The following AKAP19 variants were observed in gnomAD, a reference collection of about 807,000 sequenced individuals.
AKAP19 encodes the protein A-kinase anchoring protein 19.
At chr2:190,077,972 A>C in the AKAP19 span, among the ~76,000 whole-genome samples, 7 of 152,160 alleles carry the variant, frequency 4.6e-5, no homozygotes, top group Admixed American at 1.3e-4. Flanking sequence ...GTGAACTCAA[A>C]TAAGTGTTCA....
At chr2:190,109,097 T>G in the AKAP19 span, among the ~76,000 whole-genome samples, 4 of 152,208 alleles carry the variant, frequency 2.6e-5, no homozygotes, top group Non-Finnish European at 5.9e-5. Context: ...CAATTCTCAT[T>G]GATTTTGCAT....
the AKAP19 span, among the ~76,000 whole-genome samples, chr2:189,883,195 A>T: frequency 6.6e-6 from 1 of 152,162 alleles, no homozygotes; most frequent in Non-Finnish European, 1.5e-5. Flanking sequence ...GGTGGGACTG[A>T]AAATTTTCAC....
chr2:190,024,340 A>G, the AKAP19 span, among the ~76,000 whole-genome samples: 52 of 150,344 alleles, frequency 3.5e-4, no homozygotes, highest in Middle Eastern at 3.4e-3. Flanking sequence ...ATATATATAT[A>G]TGTGTGTGTG....
the AKAP19 span, among the ~76,000 whole-genome samples, chr2:190,128,503 G>T: frequency 6.6e-6 from 1 of 152,208 alleles, no homozygotes; most frequent in Non-Finnish European, 1.5e-5. Flanking sequence ...GGAGTGCAAT[G>T]GTACCGGAGT....
At chr2:190,090,641 A>G in the AKAP19 span, among the ~76,000 whole-genome samples, 1 of 152,192 alleles carries the variant, frequency 6.6e-6, no homozygotes, top group Non-Finnish European at 1.5e-5. Flanking sequence ...TTTGAGTCCT[A>G]GCCTGTGTAA....
the AKAP19 span, among the ~76,000 whole-genome samples, chr2:190,089,329 A>G: frequency 6.6e-6 from 1 of 152,128 alleles, no homozygotes; most frequent in Non-Finnish European, 1.5e-5. Context: ...TCAGAAAAAT[A>G]TATTTTATTT....
the AKAP19 span, among the ~76,000 whole-genome samples, chr2:190,128,037 GGGGTGGCACTCAGAGGGGAAAAATGTGA>G: frequency 6.6e-6 from 1 of 152,166 alleles, no homozygotes; most frequent in African/African-American, 2.4e-5. Context: ...AATAACAGTA[GGGGTGGCACTCAGAGGGGAAAAATGTGA>G]GGGTGGCACT....
chr2:190,185,976 A>T, the AKAP19 span, among the ~76,000 whole-genome samples: 1 of 152,140 alleles, frequency 6.6e-6, no homozygotes, highest in Non-Finnish European at 1.5e-5. Flanking sequence ...TTTGAGACAG[A>T]GTCTTCACTC....
At chr2:189,933,026 C>T in the AKAP19 span, among the ~76,000 whole-genome samples, 1 of 152,120 alleles carries the variant, frequency 6.6e-6, no homozygotes, top group Non-Finnish European at 1.5e-5. Flanking sequence ...TCACTGAGAA[C>T]ATTATGTCAT....
chr2:190,027,155 C>G, the AKAP19 span, among the ~76,000 whole-genome samples: 384 of 152,222 alleles, frequency 2.5e-3, no homozygotes, highest in Middle Eastern at 0.014. Context: ...ATACCCAACA[C>G]CATTTGTTAA....
chr2:190,048,167 TA>T, the AKAP19 span, among the ~76,000 whole-genome samples: 3 of 152,212 alleles, frequency 2.0e-5, no homozygotes, highest in Admixed American at 6.5e-5. Flanking sequence ...GTGCTATTAC[TA>T]AATTCTATGA....
chr2:190,016,222 C>T, the AKAP19 span, among the ~76,000 whole-genome samples: 1 of 152,152 alleles, frequency 6.6e-6, no homozygotes, highest in Non-Finnish European at 1.5e-5. Context: ...AAAGAAATAC[C>T]TGAGACTGGG....
the AKAP19 span, among the ~76,000 whole-genome samples, chr2:190,175,106 AAAT>A: frequency 1.5e-4 from 16 of 109,506 alleles, no homozygotes; most frequent in Non-Finnish European, 2.8e-4. Flanking sequence ...AACAACAACA[AAAT>A]CAGACGCTTA....
the AKAP19 span, among the ~76,000 whole-genome samples, chr2:190,180,291 G>A: frequency 1.3e-5 from 2 of 152,328 alleles, no homozygotes; most frequent in African/African-American, 2.4e-5. This position sits in a 1 kb window ranked among gnomAD's most constrained non-coding sequence, Gnocchi z 6.8. Flanking sequence ...GAAGGCCGCG[G>A]CCAGGCTGCG....
chr2:190,039,621 A>C, the AKAP19 span, among the ~76,000 whole-genome samples: 1 of 151,814 alleles, frequency 6.6e-6, no homozygotes, highest in Non-Finnish European at 1.5e-5. Context: ...TACCACCCAG[A>C]TATTAGGCCC....
chr2:189,990,074 G>A, the AKAP19 span, among the ~76,000 whole-genome samples: 1 of 152,134 alleles, frequency 6.6e-6, no homozygotes, highest in Non-Finnish European at 1.5e-5. Context: ...TTTTGAAAGA[G>A]AAGAAAACAC....
At chr2:190,062,470 T>C in the AKAP19 span, 11 of 1,613,628 alleles carry the variant, frequency 6.8e-6, no homozygotes, top group Non-Finnish European at 8.5e-6. Flanking sequence ...TGTCTCCAAG[T>C]ACATGCATTA....
At chr2:190,201,302 C>T in the AKAP19 span, 3 of 166,800 alleles carry the variant, frequency 1.8e-5, no homozygotes, top group South Asian at 4.2e-4. Context: ...GGATTAAGTA[C>T]TGTTTGAAGA....
chr2:189,922,130 T>A, the AKAP19 span, among the ~76,000 whole-genome samples: 50 of 152,166 alleles, frequency 3.3e-4, no homozygotes, highest in African/African-American at 6.7e-4. Context: ...AAATAGCATA[T>A]ACAAAAGCCC....
Sources: allele counts gnomAD v4.1 joint callset (sites outside exome capture counted in the v4.1 genomes callset), GRCh38; gene constraint gnomAD v4.1.1; non-coding constraint Gnocchi (gnomAD v3.1); transcripts MANE v1.5; gene names NCBI Gene and HGNC (gene_info 2026-07-23, HGNC 2026-07-21).